EEFSEC: variants seen among roughly 807,000 people sequenced by gnomAD.
The protein encoded by EEFSEC is eukaryotic elongation factor, selenocysteine-tRNA specific.
EEFSEC carries 43 observed loss-of-function variants against 42.1 expected under a neutral mutation model. That is an observed-to-expected ratio of 1.02 (90% CI 0.80 to 1.32). The LOEUF is 1.32. EEFSEC is among the 40% of genes most tolerant of loss of function. The pLI is 0.00. For synonymous variants in EEFSEC, 354 were observed against 339.1 expected, an observed-to-expected ratio of 1.04 and a Z score of -0.48; for missense variants, 745 against 803.6, an observed-to-expected ratio of 0.93 and a Z score of 0.88.
intron 4 of EEFSEC, among the ~76,000 whole-genome samples, chr3:128,297,954 A>T (rs778658280): frequency 2.0e-5 from 3 of 152,182 alleles, no homozygotes; most frequent in Admixed American, 2.0e-4. Context: ...CAGGAGCTGA[A>T]GCCAGTCAGT....
At chr3:128,349,076 C>T (rs1027786702) in intron 5 of EEFSEC, among the ~76,000 whole-genome samples, 1 of 152,160 alleles carries the variant, frequency 6.6e-6, no homozygotes, top group African/African-American at 2.4e-5. Context: ...TGTGGGGAAA[C>T]AGGAAGGTGG....
chr3:128,290,375 T>TA (rs1433663481), intron 4 of EEFSEC, among the ~76,000 whole-genome samples: 2 of 152,146 alleles, frequency 1.3e-5, no homozygotes, highest in East Asian at 1.9e-4. Context: ...TGGCATCTCT[T>TA]AAAAAAAATC....
chr3:128,339,967 C>G (rs1212414770), intron 4 of EEFSEC, among the ~76,000 whole-genome samples: 1 of 152,102 alleles, frequency 6.6e-6, no homozygotes, highest in African/African-American at 2.4e-5. Context: ...GAAAGCACCC[C>G]TACAATTCAA....
chr3:128,366,499 C>G (rs1422748320), intron 6 of EEFSEC, among the ~76,000 whole-genome samples: 1 of 152,186 alleles, frequency 6.6e-6, no homozygotes, highest in Non-Finnish European at 1.5e-5. Flanking sequence ...CAGACCAACC[C>G]CAGTGCCCTG....
intron 1 of EEFSEC, among the ~76,000 whole-genome samples, chr3:128,202,627 C>G (rs1289515235): frequency 6.6e-6 from 1 of 152,072 alleles, no homozygotes; most frequent in Non-Finnish European, 1.5e-5. Context: ...CTCTTTATAC[C>G]TTTTTCTAAC....
Position 128,198,144 on chromosome 3 carries a change from A to T in EEFSEC, c.316+44321A>T, listed in dbSNP as rs1403667251. Among the ~76,000 whole-genome samples, 7 of 152,250 alleles carry T rather than the reference A, an allele frequency of 4.6e-5. No homozygotes were observed. In the East Asian group the frequency reaches 1.3e-3, roughly 29 times the overall value. ...GAGTGATGTTGTTTCAGGGTAGGCAAGGGGGGGATGAAAGGGAAGGAGAAG... is the reference window on the plus strand; with the variant it reads ...GAGTGATGTTGTTTCAGGGTAGGCATGGGGGGGATGAAAGGGAAGGAGAAG... On this transcript the variant is annotated intron_variant, in intron 1 of 6. Coordinates refer to ENST00000254730, the MANE Select transcript of EEFSEC (RefSeq NM_021937.5).
intron 1 of EEFSEC, among the ~76,000 whole-genome samples, chr3:128,175,548 G>T (rs1178971302): frequency 1.3e-5 from 2 of 152,212 alleles, no homozygotes; most frequent in African/African-American, 4.8e-5. Context: ...CAACATGAAG[G>T]CTGGCAGATG....
intron 5 of EEFSEC, among the ~76,000 whole-genome samples, chr3:128,353,417 A>T (rs1025098471): frequency 1.3e-5 from 2 of 151,870 alleles, no homozygotes; most frequent in African/African-American, 2.4e-5. Context: ...CCCCACTATA[A>T]GTGCTGCATC....
chr3:128,163,619 T>C (rs1235809496), intron 1 of EEFSEC, among the ~76,000 whole-genome samples: 1 of 152,040 alleles, frequency 6.6e-6, no homozygotes, highest in Non-Finnish European at 1.5e-5. Flanking sequence ...CATACAGTTG[T>C]GTAGCTGTCA....
intron 6 of EEFSEC, among the ~76,000 whole-genome samples, chr3:128,365,692 C>G (rs1388611553): frequency 6.6e-6 from 1 of 152,110 alleles, no homozygotes; most frequent in Non-Finnish European, 1.5e-5. Context: ...GGAAACGATG[C>G]CTGTAGGAGC....
At chr3:128,231,161 T>C (rs2065955670) in intron 1 of EEFSEC, among the ~76,000 whole-genome samples, 1 of 152,120 alleles carries the variant, frequency 6.6e-6, no homozygotes, top group African/African-American at 2.4e-5. Context: ...TGTCTAACTT[T>C]CCAAGCCTCA....
chr3:128,356,673 A>G (rs574472071), intron 5 of EEFSEC, among the ~76,000 whole-genome samples: 1 of 152,310 alleles, frequency 6.6e-6, no homozygotes, highest in East Asian at 1.9e-4. Flanking sequence ...TGTATGGTGA[A>G]AAGTCCCCAG....
chr3:128,425,584 G>C, the EEFSEC span, among the ~76,000 whole-genome samples: 1 of 152,268 alleles, frequency 6.6e-6, no homozygotes, highest in East Asian at 1.9e-4. Context: ...CCCAGCTGCT[G>C]TCTGCATTCC....
At chr3:128,216,772 T>A (rs2107840644) in intron 1 of EEFSEC, among the ~76,000 whole-genome samples, 1 of 152,350 alleles carries the variant, frequency 6.6e-6, no homozygotes, top group African/African-American at 2.4e-5. Context: ...AGAGCACTCT[T>A]GGGACAGATC....
intron 6 of EEFSEC, among the ~76,000 whole-genome samples, chr3:128,371,153 G>A (rs1013951092): frequency 5.3e-5 from 8 of 151,806 alleles, no homozygotes; most frequent in South Asian, 2.1e-4. Context: ...TTTTTCACCC[G>A]AAGTCTTTCA....
At chr3:128,421,605 G>T in the EEFSEC span, among the ~76,000 whole-genome samples, 2 of 152,304 alleles carry the variant, frequency 1.3e-5, no homozygotes, top group East Asian at 3.9e-4. Context: ...CTCTTGTGCC[G>T]ACTTTTCCCG....
chr3:128,370,943 A>G (rs1026128007), intron 6 of EEFSEC, among the ~76,000 whole-genome samples: 1 of 152,254 alleles, frequency 6.6e-6, no homozygotes, highest in African/African-American at 2.4e-5. Context: ...TGTTCAGGAC[A>G]GAAGGAACAG....
At chr3:128,409,342 G>A (rs891813555), downstream of EEFSEC, among the ~76,000 whole-genome samples, 1 of 151,590 alleles carries the variant, frequency 6.6e-6, no homozygotes, top group Non-Finnish European at 1.5e-5. Context: ...AATGACTTGG[G>A]CCTGTTAAGC....
chr3:128,294,140 G>C (rs373330154), intron 4 of EEFSEC, among the ~76,000 whole-genome samples: 1 of 152,200 alleles, frequency 6.6e-6, no homozygotes, highest in Non-Finnish European at 1.5e-5. Context: ...TCTTGCAGGG[G>C]TATTGTGGTT....
Sources: allele counts gnomAD v4.1 joint callset (sites outside exome capture counted in the v4.1 genomes callset), GRCh38; gene constraint gnomAD v4.1.1; transcripts MANE v1.5; gene names NCBI Gene and HGNC (gene_info 2026-07-23, HGNC 2026-07-21).